The following VOPP1 variants were observed in gnomAD, a reference collection of about 807,000 sequenced individuals.
The protein encoded by VOPP1 is VOPP1 WW domain binding protein.
VOPP1 carries 8 observed loss-of-function variants against 23.5 expected under a neutral mutation model. The ratio of observed to expected loss-of-function variants is 0.34; its 90% CI spans 0.20 to 0.61. The LOEUF (loss-of-function observed/expected upper bound fraction) is 0.61, where lower values mean the gene tolerates loss of function less well. Ranked by LOEUF, VOPP1 falls within the 20% of genes least tolerant of loss-of-function variation. The probability of loss-of-function intolerance (pLI) is 0.78; values close to 1 mark genes in which losing one functional copy is unlikely to be tolerated. For synonymous variants in VOPP1, 83 were observed against 97.3 expected (o/e 0.85, Z 0.86); for missense variants, 174 against 238.1 (o/e 0.73, Z 1.77).
At chr7:55,552,956 GAA>G (rs1256880993) in intron 1 of VOPP1, 2 of 601,162 alleles carry the variant, frequency 3.3e-6, no homozygotes, top group Non-Finnish European at 5.0e-6. Flanking sequence ...GGCGCTGTAG[GAA>G]AAGACATGCA....
chr7:55,496,403 A>C (rs1283275106), intron 3 of VOPP1, among the ~76,000 whole-genome samples: 1 of 152,220 alleles, frequency 6.6e-6, no homozygotes, highest in Non-Finnish European at 1.5e-5. Context: ...ATGCACACAG[A>C]GCCGTTAACC....
At chr7:55,542,633 T>C (rs184706259) in intron 1 of VOPP1, among the ~76,000 whole-genome samples, 109 of 152,128 alleles carry the variant, frequency 7.2e-4, no homozygotes, top group Non-Finnish European at 1.3e-3. Context: ...CTACTAAAAA[T>C]ACAAAGTTAG....
chr7:55,519,144 C>G (rs1209755640), intron 2 of VOPP1, among the ~76,000 whole-genome samples: 1 of 152,196 alleles, frequency 6.6e-6, no homozygotes, highest in African/African-American at 2.4e-5. Flanking sequence ...CGCTGAACTT[C>G]GTGTTCTCAT....
intron 4 of VOPP1, among the ~76,000 whole-genome samples, chr7:55,489,501 C>G (rs73346497): frequency 0.013 from 1,923 of 152,302 alleles, 39 homozygotes; most frequent in African/African-American, 0.042. Context: ...TTCTCTCCCT[C>G]GCACTCATGA....
rs181529951 is a variant in VOPP1, at chr7:55,499,083, A to C, written c.114-1393T>G. ...CCATGAACATGAATCCCTACCCAGT[A>C]CCCAAAGTGTTGTGATTTCCATGAA... On this transcript the variant is annotated intron_variant, in intron 2 of 4. Coordinates refer to ENST00000285279, the MANE Select transcript of VOPP1 (RefSeq NM_030796.5). Among the ~76,000 whole-genome samples, 238 of 152,176 alleles carry C rather than the reference A, an allele frequency of 1.6e-3. 2 individuals are homozygous for C. The highest frequency in any genetic ancestry group is 3.0e-3 in the Non-Finnish European group (201 of 67,994).
intron 1 of VOPP1, among the ~76,000 whole-genome samples, chr7:55,559,069 T>C (rs919439877): frequency 2.0e-5 from 3 of 152,164 alleles, no homozygotes; most frequent in Non-Finnish European, 2.9e-5. Flanking sequence ...AAGTATCCAG[T>C]GGATAGTAAC....
intron 1 of VOPP1, among the ~76,000 whole-genome samples, chr7:55,559,024 G>C (rs1797898850): frequency 6.6e-6 from 1 of 152,142 alleles, no homozygotes. Flanking sequence ...TGTGCCCAAA[G>C]CTTTGCAAAC....
chr7:55,478,625 G>A (rs575917840), intron 4 of VOPP1, among the ~76,000 whole-genome samples: 6 of 152,294 alleles, frequency 3.9e-5, no homozygotes, highest in African/African-American at 9.6e-5. Context: ...AGAACTGACC[G>A]GATGTTGGGG....
intron 4 of VOPP1, among the ~76,000 whole-genome samples, chr7:55,481,241 G>A (rs1363138445): frequency 6.6e-6 from 1 of 152,208 alleles, no homozygotes; most frequent in Non-Finnish European, 1.5e-5. Flanking sequence ...GCCAGGAGGG[G>A]CCACAGGAGA....
chr7:55,448,927 AGTTTAATCGCACTGAGAT>A (rs1445747695), intron 4 of VOPP1, among the ~76,000 whole-genome samples: 8 of 152,236 alleles, frequency 5.3e-5, no homozygotes, highest in African/African-American at 1.9e-4. Context: ...AAACTGGAAC[AGTTTAATCGCACTGAGAT>A]GCGATGTAAT....
At chr7:55,530,141 T>C (rs1796418650) in intron 1 of VOPP1, among the ~76,000 whole-genome samples, 1 of 151,978 alleles carries the variant, frequency 6.6e-6, no homozygotes, top group Non-Finnish European at 1.5e-5. Flanking sequence ...ACACAGTAAC[T>C]CCTTACCTAA....
intron 1 of VOPP1, among the ~76,000 whole-genome samples, chr7:55,548,914 G>A (rs1347456460): frequency 2.0e-5 from 3 of 152,202 alleles, no homozygotes. Context: ...AATCCACCCT[G>A]GGGGGATGTT....
chr7:55,537,624 G>A, intron 1 of VOPP1: 2 of 1,532,970 alleles, frequency 1.3e-6, no homozygotes, highest in South Asian at 1.2e-5. Flanking sequence ...CCAATACGGA[G>A]CACACATAAA....
chr7:55,561,771 G>C, intron 1 of VOPP1: 5 of 357,948 alleles, frequency 1.4e-5, no homozygotes, highest in East Asian at 9.5e-5. Flanking sequence ...AAACAAACAA[G>C]CAATTACAGT....
At chr7:55,489,627 C>A (rs1793416951) in intron 4 of VOPP1, among the ~76,000 whole-genome samples, 1 of 152,160 alleles carries the variant, frequency 6.6e-6, no homozygotes, top group South Asian at 2.1e-4. Flanking sequence ...CTCCTGCAGG[C>A]GCCTCAGCAG....
intron 4 of VOPP1, among the ~76,000 whole-genome samples, chr7:55,457,437 T>TG (rs1791395185): frequency 6.6e-6 from 1 of 152,218 alleles, no homozygotes; most frequent in South Asian, 2.1e-4. Flanking sequence ...GGAGGTCAAG[T>TG]GTCCCTGTGA....
intron 4 of VOPP1, among the ~76,000 whole-genome samples, chr7:55,464,386 C>T (rs1791582596): frequency 6.6e-6 from 1 of 152,118 alleles, no homozygotes; most frequent in Non-Finnish European, 1.5e-5. Context: ...TGCAGCAGAC[C>T]TGTTTTCAGT....
chr7:55,490,673 T>C (rs138170851), intron 4 of VOPP1, among the ~76,000 whole-genome samples: 5 of 152,296 alleles, frequency 3.3e-5, no homozygotes, highest in Non-Finnish European at 7.4e-5. Flanking sequence ...GCGGCTTTCA[T>C]CTCTCATTTT....
intron 4 of VOPP1, among the ~76,000 whole-genome samples, chr7:55,438,966 C>T (rs1360724875): frequency 1.3e-5 from 2 of 152,052 alleles, no homozygotes; most frequent in African/African-American, 2.4e-5. Context: ...AGTGGCTGGA[C>T]ATCTGGCAGG....
Sources: gnomAD v4.1 joint callset for allele counts (sites outside exome capture counted in the v4.1 genomes callset) on GRCh38, gnomAD v4.1.1 for gene constraint, MANE v1.5 for transcripts, NCBI Gene and HGNC (gene_info 2026-07-23, HGNC 2026-07-21) for gene names.